Variants in GOLPH3L observed in about 807,000 individuals in gnomAD.
The protein encoded by GOLPH3L is golgi phosphoprotein 3 like, also known as Golgi phosphoprotein 3-like.
Under a neutral mutation model 30.3 loss-of-function variants are expected in GOLPH3L, and 22 were observed. The observed-to-expected ratio is 0.73, with a 90% CI of 0.52 to 1.04. The LOEUF is 1.04. Ranked by LOEUF, GOLPH3L falls within the 50% of genes least tolerant of loss-of-function variation. The pLI is 0.00. For synonymous variants in GOLPH3L, 120 were observed against 128.2 expected, an observed-to-expected ratio of 0.94 and a Z score of 0.43; for missense variants, 303 against 345.8, an observed-to-expected ratio of 0.88 and a Z score of 0.98.
At chr1:150,677,131 C>A (rs587748839) in intron 2 of GOLPH3L, among the ~76,000 whole-genome samples, 1 of 150,032 alleles carries the variant, frequency 6.7e-6, no homozygotes, top group African/African-American at 2.5e-5. Flanking sequence ...AGTGCAGTGG[C>A]GCGATCTTGG....
At chr1:150,672,966 G>A (rs190561990) in intron 2 of GOLPH3L, among the ~76,000 whole-genome samples, 1 of 151,964 alleles carries the variant, frequency 6.6e-6, no homozygotes, top group African/African-American at 2.4e-5. Context: ...TAGTTACAAT[G>A]ATCAGTTTAT....
intron 2 of GOLPH3L, among the ~76,000 whole-genome samples, chr1:150,674,262 ATTTT>A (rs150744411): frequency 1.4e-5 from 2 of 145,492 alleles, no homozygotes; most frequent in Admixed American, 6.9e-5. Context: ...GAGTGGGAGA[ATTTT>A]TTTTTTTTTT....
rs58158655 is a variant in GOLPH3L at position 150,675,779 on chromosome 1, CAAAAAAAAAAAAAAA to C, written c.184-12031_184-12017del. On this transcript the variant is annotated intron_variant, in intron 2 of 4. Coordinates refer to ENST00000271732, the MANE Select transcript of GOLPH3L (RefSeq NM_018178.6). ...CGACAGAGTAAGAGAGACTCTGTCTCAAAAAAAAAAAAAAAAAAAAAAAAAAAAGTATTGAGGAGT... is the reference window on the plus strand; with the variant it reads ...CGACAGAGTAAGAGAGACTCTGTCTCAAAAAAAAAAAAAGTATTGAGGAGT... Among the ~76,000 whole-genome samples the C allele has an allele frequency of 1.6e-4, 8 of 49,282 alleles. No homozygotes were observed. The East Asian group carries it at 2.9e-3, about 18-fold the overall frequency. 32.3% of individuals were successfully genotyped at this position (49,282 alleles called of 152,430 possible).
chr1:150,663,301 A>G (rs970095695), intron 3 of GOLPH3L, among the ~76,000 whole-genome samples: 1 of 152,050 alleles, frequency 6.6e-6, no homozygotes, highest in Non-Finnish European at 1.5e-5. Flanking sequence ...CGGCCTCTCA[A>G]AGTGCTGGGA....
intron 2 of GOLPH3L, among the ~76,000 whole-genome samples, chr1:150,675,367 C>A (rs903288394): frequency 1.3e-4 from 19 of 151,890 alleles, no homozygotes; most frequent in African/African-American, 4.1e-4. Flanking sequence ...AAAAATCACC[C>A]ATAAATTCCA....
intron 2 of GOLPH3L, among the ~76,000 whole-genome samples, chr1:150,666,368 T>TG (rs1650498818): frequency 6.6e-6 from 1 of 152,052 alleles, no homozygotes; most frequent in East Asian, 1.9e-4. Flanking sequence ...GTTTCTGAGA[T>TG]GGAGTCTCAC....
intron 2 of GOLPH3L, chr1:150,694,198 T>C (rs1239805937): frequency 4.6e-6 from 2 of 438,266 alleles, no homozygotes; most frequent in Non-Finnish European, 9.4e-6. Context: ...CAGAGGAAAA[T>C]AAAAAATTAT....
chr1:150,664,064 T>A lies in GOLPH3L; in HGVS notation c.184-301A>T, dbSNP rs1391912073. Among the ~76,000 whole-genome samples, 7 of 152,120 alleles carry A rather than the reference T, an allele frequency of 4.6e-5. No homozygotes were observed. The East Asian group carries it at 1.2e-3, about 25-fold the overall frequency. On this transcript the variant is annotated intron_variant, in intron 2 of 4. Transcript: ENST00000271732. ...CCCAGGCTGAAATGCAGTGGCATGA[T>A]CATGGCTCACTGCAGCCTTGACCTC... is the stretch of plus-strand genomic sequence containing the variant.
chr1:150,657,608 G>A (rs138498009), intron 4 of GOLPH3L, among the ~76,000 whole-genome samples: 103 of 152,292 alleles, frequency 6.8e-4, no homozygotes, highest in Non-Finnish European at 1.2e-3. Context: ...TGTGTTAAAC[G>A]TCACCTTTTG....
intron 2 of GOLPH3L, among the ~76,000 whole-genome samples, chr1:150,667,599 T>C (rs1251534483): frequency 6.7e-6 from 1 of 148,408 alleles, no homozygotes; most frequent in Non-Finnish European, 1.5e-5. Context: ...TTCTTTCTTT[T>C]TTTTTTTTTT....
chr1:150,653,304 T>A (rs74425166), intron 4 of GOLPH3L, among the ~76,000 whole-genome samples: 5,529 of 149,302 alleles, frequency 0.037, 340 homozygotes, highest in African/African-American at 0.12. Context: ...TTTTATTTTT[T>A]TTTTTTTTTG....
intron 2 of GOLPH3L, among the ~76,000 whole-genome samples, chr1:150,683,699 C>CAAAA (rs397981524): frequency 0.021 from 315 of 14,918 alleles, 63 homozygotes; most frequent in East Asian, 0.037. Context: ...GACTCTCTCT[C>CAAAA]AAAAAAAAAA....
At chr1:150,656,743 C>G (rs1487445333) in intron 4 of GOLPH3L, among the ~76,000 whole-genome samples, 1 of 152,154 alleles carries the variant, frequency 6.6e-6, no homozygotes, top group East Asian at 1.9e-4. Context: ...ATTATTGTCC[C>G]TCTCACGAAG....
intron 4 of GOLPH3L, among the ~76,000 whole-genome samples, chr1:150,658,687 G>A (rs907075135): frequency 3.9e-5 from 6 of 152,184 alleles, no homozygotes; most frequent in African/African-American, 9.7e-5. Context: ...CTCAGTTTGC[G>A]TGTCATGGCC....
rs1225677880 is a variant in GOLPH3L, at chr1:150,676,634, ATTT to A, written c.184-12874_184-12872del. On this transcript the variant is annotated intron_variant, in intron 2 of 4. Transcript: ENST00000271732. ...TAGTCTTCTGTATTTCATACATTCT[ATTT>A]TTTTTTTTTTTTTTTTGAGATGGAG... Among the ~76,000 whole-genome samples the A allele has an allele frequency of 7.1e-4, 86 of 120,952 alleles. No individual in the cohort carries two copies. In the East Asian group the frequency reaches 0.012, roughly 17 times the overall value. The allele number at this position is 120,952 out of a possible 152,430, so 79.3% of individuals were successfully genotyped here. A position where few individuals can be genotyped will look rare whatever the true frequency, so the allele number is the denominator to read the frequency against.
chr1:150,681,874 C>G (rs1440334547), intron 2 of GOLPH3L, among the ~76,000 whole-genome samples: 2 of 151,904 alleles, frequency 1.3e-5, no homozygotes, highest in Non-Finnish European at 1.5e-5. Context: ...CAAGACCAGC[C>G]TGGCCAACGT....
chr1:150,681,319 C>T (rs2867301), intron 2 of GOLPH3L, among the ~76,000 whole-genome samples: 58,542 of 151,852 alleles, frequency 0.39, 11,605 homozygotes, highest in South Asian at 0.55. Flanking sequence ...CCAAAGCCTG[C>T]GCTTTTATCC....
intron 2 of GOLPH3L, among the ~76,000 whole-genome samples, chr1:150,688,626 A>G (rs781037259): frequency 5.9e-5 from 9 of 152,078 alleles, no homozygotes; most frequent in African/African-American, 1.9e-4. Flanking sequence ...TGGCAGGTGC[A>G]TGTAATACCA....
At chr1:150,656,197 C>T (rs889942240) in intron 4 of GOLPH3L, among the ~76,000 whole-genome samples, 6 of 152,176 alleles carry the variant, frequency 3.9e-5, no homozygotes, top group South Asian at 2.1e-4. Flanking sequence ...TTCGATTTCT[C>T]GTGCTGGTTT....
Sources: gnomAD v4.1 joint callset for allele counts (sites outside exome capture counted in the v4.1 genomes callset) on GRCh38, gnomAD v4.1.1 for gene constraint, MANE v1.5 for transcripts, NCBI Gene and HGNC (gene_info 2026-07-23, HGNC 2026-07-21) for gene names.